The following CYP2C19 variants were observed in gnomAD, a reference collection of about 807,000 sequenced individuals.
CYP2C19 encodes cytochrome P450 2C19.
CYP2C19 carries 59 observed loss-of-function variants against 40.9 expected under a neutral mutation model. That is an observed-to-expected ratio of 1.44 (90% CI 1.17 to 1.79). CYP2C19 has a LOEUF of 1.79. CYP2C19 is among the 40% of genes most tolerant of loss of function. The pLI is 0.00. For synonymous variants in CYP2C19, 253 were observed against 208.7 expected (o/e 1.21, Z -1.83); for missense variants, 754 against 596.9 (o/e 1.26, Z -2.74).
intron 5 of CYP2C19, among the ~76,000 whole-genome samples, chr10:94,786,997 C>T (rs2134243412): frequency 6.6e-6 from 1 of 152,188 alleles, no homozygotes; most frequent in East Asian, 1.9e-4. Context: ...AATTTGTTTT[C>T]CACTGGATAT....
At chr10:94,778,826 C>A (rs965705513) in intron 3 of CYP2C19, among the ~76,000 whole-genome samples, 5 of 152,116 alleles carry the variant, frequency 3.3e-5, no homozygotes, top group African/African-American at 1.2e-4. Flanking sequence ...ATGTTTATTG[C>A]AGCACTATTT....
chr10:94,842,114 T>C (rs187380581), intron 6 of CYP2C19, among the ~76,000 whole-genome samples: 39 of 152,328 alleles, frequency 2.6e-4, no homozygotes, highest in Middle Eastern at 3.4e-3. Flanking sequence ...TATTATTGTA[T>C]TGGGGCCTAT....
rs546771054 is a variant in CYP2C19, at chr10:94,811,732, A to G, written c.820-8764A>G. ...TTGTTTTGCTTTCCATTTGCTTGGTAAATATTCCTCCATCCCTTTATTTTG... is the reference window on the plus strand; with the variant it reads ...TTGTTTTGCTTTCCATTTGCTTGGTGAATATTCCTCCATCCCTTTATTTTG... On this transcript the variant is annotated intron_variant, in intron 5 of 8. Coordinates refer to ENST00000371321, the MANE Select transcript of CYP2C19 (RefSeq NM_000769.4). 1.6e-4 allele frequency among the ~76,000 whole-genome samples: 25 copies of G among 152,108 alleles called. 1 individual carries two copies. In the South Asian group the frequency reaches 3.1e-3, roughly 19 times the overall value.
chr10:94,764,195 G>A (rs564387333), intron 1 of CYP2C19, among the ~76,000 whole-genome samples: 4 of 152,102 alleles, frequency 2.6e-5, no homozygotes, highest in African/African-American at 9.7e-5. Flanking sequence ...GACCCAAGAG[G>A]GTTGCCGCTG....
At chr10:94,776,553 A>G (rs1236503204) in intron 3 of CYP2C19, 2 of 152,174 alleles carry the variant, frequency 1.3e-5, no homozygotes, top group African/African-American at 4.8e-5. Context: ...CAGCTGTTCA[A>G]TGCCTTGCTA....
chr10:94,782,837 C>T (rs67482845), intron 5 of CYP2C19, among the ~76,000 whole-genome samples: 38,969 of 151,930 alleles, frequency 0.26, 5,347 homozygotes, highest in South Asian at 0.45. Context: ...GAAGCCCCCA[C>T]TCTCAGTAAA....
At chr10:94,783,943 A>C (rs924950619) in intron 5 of CYP2C19, among the ~76,000 whole-genome samples, 10 of 152,186 alleles carry the variant, frequency 6.6e-5, no homozygotes, top group Admixed American at 6.5e-4. Flanking sequence ...AACCAGTTTA[A>C]AGCATACACC....
intron 6 of CYP2C19, among the ~76,000 whole-genome samples, chr10:94,836,073 G>T (rs1195706920): frequency 6.6e-6 from 1 of 152,212 alleles, no homozygotes; most frequent in Non-Finnish European, 1.5e-5. Context: ...GAAGAAATGT[G>T]GCTCAGTTAA....
chr10:94,773,386 T>C (rs1423766189), intron 1 of CYP2C19, among the ~76,000 whole-genome samples: 5 of 152,068 alleles, frequency 3.3e-5, no homozygotes, highest in Non-Finnish European at 5.9e-5. Flanking sequence ...TTCTGGTGGG[T>C]TCATGGTCTT....
intron 8 of CYP2C19, among the ~76,000 whole-genome samples, chr10:94,850,597 G>A (rs888838575): frequency 2.6e-5 from 4 of 152,188 alleles, no homozygotes; most frequent in African/African-American, 9.7e-5. Flanking sequence ...TGGGTTGGGA[G>A]GTAGATGGAA....
At chr10:94,795,383 T>G (rs1420469118) in intron 5 of CYP2C19, among the ~76,000 whole-genome samples, 1 of 152,072 alleles carries the variant, frequency 6.6e-6, no homozygotes. Flanking sequence ...TGTGCCACAT[T>G]TTCTTAATCC....
At chr10:94,805,147 A>T (rs1410777501) in intron 5 of CYP2C19, among the ~76,000 whole-genome samples, 2 of 152,002 alleles carry the variant, frequency 1.3e-5, no homozygotes, top group African/African-American at 4.8e-5. Context: ...TCTGATTTTA[A>T]GTTATAAGAC....
At chr10:94,764,069 T>G (rs969348470) in intron 1 of CYP2C19, among the ~76,000 whole-genome samples, 1 of 152,080 alleles carries the variant, frequency 6.6e-6, no homozygotes, top group African/African-American at 2.4e-5. Flanking sequence ...GGAGTGAAGT[T>G]GCAGACCTTT....
chr10:94,799,156 A>G (rs1346391332), intron 5 of CYP2C19, among the ~76,000 whole-genome samples: 1 of 151,670 alleles, frequency 6.6e-6, no homozygotes, highest in African/African-American at 2.4e-5. Flanking sequence ...GTTCCTTTCC[A>G]TGTTTAGTGC....
intron 5 of CYP2C19, among the ~76,000 whole-genome samples, chr10:94,786,441 G>A (rs1245652990): frequency 6.6e-6 from 1 of 151,988 alleles, no homozygotes; most frequent in East Asian, 1.9e-4. Context: ...GGTTTAGTTT[G>A]AAAGGCAAGT....
At position 94,764,074 on chromosome 10, in the gene CYP2C19, AC is replaced by A. The variant is rs555220138; in HGVS notation, c.168+1203del. Among the ~76,000 whole-genome samples the A allele has an allele frequency of 7.2e-5, 11 of 151,866 alleles. No individual in the cohort carries two copies. The South Asian group carries it at 2.1e-3, about 29-fold the overall frequency. On this transcript the variant is annotated intron_variant, in intron 1 of 8. Transcript: ENST00000371321. The stretch of plus-strand genomic sequence containing the variant: ...GCTGGCTTCAGGAGTGAAGTTGCAG[AC>A]CTTTGCGGTGAGTGTTATAGCTCAT...
At chr10:94,847,108 G>T (rs1849583218) in intron 7 of CYP2C19, among the ~76,000 whole-genome samples, 1 of 151,166 alleles carries the variant, frequency 6.6e-6, no homozygotes, top group Non-Finnish European at 1.5e-5. Context: ...GTAAGTTTTA[G>T]GGTACATGTG....
rs963304581 is a variant in CYP2C19 at position 94,829,978 on chromosome 10, G to A, written c.961+9341G>A. Among the ~76,000 whole-genome samples, 6 of 152,230 alleles carry A rather than the reference G, an allele frequency of 3.9e-5. No homozygotes were observed. In the South Asian group the frequency reaches 6.2e-4, roughly 16 times the overall value. On this transcript the variant is annotated intron_variant, in intron 6 of 8. Coordinates refer to ENST00000371321, the MANE Select transcript of CYP2C19 (RefSeq NM_000769.4). Reference sequence around the variant, plus strand: ...CAGTTAGGCTGCTCAGGGGTCAGGGGTCAGGGACCCACTTGAGGAGGCAGT... The same window carrying A: ...CAGTTAGGCTGCTCAGGGGTCAGGGATCAGGGACCCACTTGAGGAGGCAGT...
rs1554849210 is a variant in CYP2C19, at chr10:94,779,570, T to TC, written c.482-929_482-928insC. Among the ~76,000 whole-genome samples the TC allele has an allele frequency of 1.4e-4, 17 of 125,608 alleles. No individual in the cohort carries two copies. In the South Asian group the frequency reaches 2.2e-3, roughly 16 times the overall value. The allele number at this position is 125,608 out of a possible 152,430, so 82.4% of individuals were successfully genotyped here. On this transcript the variant is annotated intron_variant, in intron 3 of 8. Transcript: ENST00000371321. ...TTTTCCTTTTTCTTTTCTTTTCTTTTTTTTTTTTTGAGTTGGAGTCTCACT... is the reference window on the plus strand; with the variant it reads ...TTTTCCTTTTTCTTTTCTTTTCTTTTCTTTTTTTTTGAGTTGGAGTCTCACT...
Sources: allele counts gnomAD v4.1 joint callset (sites outside exome capture counted in the v4.1 genomes callset), GRCh38; gene constraint gnomAD v4.1.1; transcripts MANE v1.5; gene names NCBI Gene and HGNC (gene_info 2026-07-23, HGNC 2026-07-21).